The following DTD1 variants were observed in gnomAD, a reference collection of about 807,000 sequenced individuals.
DTD1 encodes the protein D-tyrosyl-tRNA deacylase 1 homolog.
Under a neutral mutation model 25.6 loss-of-function variants are expected in DTD1, and 13 were observed. That is an observed-to-expected ratio of 0.51 (90% CI 0.33 to 0.81). The LOEUF is 0.81. Ranked by LOEUF, DTD1 falls within the 30% of genes least tolerant of loss-of-function variation. DTD1 has a pLI of 0.02. For synonymous variants in DTD1, 110 were observed against 103.6 expected (o/e 1.06, Z -0.37); for missense variants, 193 against 266.4 (o/e 0.72, Z 1.92).
At chr20:18,664,561 AG>A (rs1254971254) in intron 4 of DTD1, among the ~76,000 whole-genome samples, 1 of 152,158 alleles carries the variant, frequency 6.6e-6, no homozygotes, top group East Asian at 1.9e-4. Flanking sequence ...ATCCATGAGC[AG>A]ATCTGTGTGG....
At chr20:18,736,085 C>T (rs4814783) in intron 4 of DTD1, among the ~76,000 whole-genome samples, 27,286 of 152,046 alleles carry the variant, frequency 0.18, 2,658 homozygotes, top group East Asian at 0.35. Flanking sequence ...CAGGGATTTC[C>T]GGGCACCTGT....
chr20:18,700,530 A>G (rs771963980), intron 4 of DTD1, among the ~76,000 whole-genome samples: 36 of 151,490 alleles, frequency 2.4e-4, no homozygotes, highest in Non-Finnish European at 4.6e-4. Context: ...TAAAATTTCA[A>G]TAGCTTTTGG....
intron 4 of DTD1, among the ~76,000 whole-genome samples, chr20:18,694,450 C>T (rs553219353): frequency 4.7e-4 from 72 of 152,284 alleles, no homozygotes; most frequent in Non-Finnish European, 9.3e-4. Context: ...GCGTTTAGAA[C>T]GTGTTCTCCA....
intron 4 of DTD1, among the ~76,000 whole-genome samples, chr20:18,705,561 G>A (rs937596940): frequency 6.6e-6 from 1 of 152,178 alleles, no homozygotes; most frequent in Non-Finnish European, 1.5e-5. Context: ...GTGGGTGAGT[G>A]CCTTTACTCC....
At chr20:18,755,988 T>C (rs1466476098) in intron 5 of DTD1, among the ~76,000 whole-genome samples, 2 of 152,134 alleles carry the variant, frequency 1.3e-5, no homozygotes, top group Admixed American at 1.3e-4. Context: ...TGGTATCTCA[T>C]TGTGGTTTTG....
At chr20:18,689,649 A>T (rs56196021) in intron 4 of DTD1, among the ~76,000 whole-genome samples, 176 of 152,216 alleles carry the variant, frequency 1.2e-3, no homozygotes, top group Middle Eastern at 3.4e-3. Flanking sequence ...TGGACAATAA[A>T]AACCATAATG....
intron 4 of DTD1, among the ~76,000 whole-genome samples, chr20:18,649,282 C>T (rs72660251): frequency 0.18 from 25,960 of 142,906 alleles, 2,506 homozygotes; most frequent in East Asian, 0.36. Context: ...AGACAAGACT[C>T]GAGCGAGAAA....
At chr20:18,652,979 T>C (rs1378124595) in intron 4 of DTD1, among the ~76,000 whole-genome samples, 1 of 152,206 alleles carries the variant, frequency 6.6e-6, no homozygotes, top group Non-Finnish European at 1.5e-5. Flanking sequence ...GTTGGCTGAC[T>C]TGCTTAAGAA....
intron 5 of DTD1, among the ~76,000 whole-genome samples, chr20:18,745,169 G>A (rs151068253): frequency 2.8e-4 from 42 of 152,252 alleles, no homozygotes; most frequent in Non-Finnish European, 3.4e-4. Context: ...CACCTGCCCC[G>A]TGTTCTGAAA....
intron 4 of DTD1, among the ~76,000 whole-genome samples, chr20:18,646,059 C>T (rs897722088): frequency 8.5e-5 from 13 of 152,206 alleles, no homozygotes; most frequent in African/African-American, 3.1e-4. Context: ...TGTTGTTAGG[C>T]GTCTACCTCA....
At chr20:18,631,412 T>C in intron 4 of DTD1, 1 of 985,828 alleles carries the variant, frequency 1.0e-6, no homozygotes, top group Non-Finnish European at 1.2e-6. Context: ...CCCTTCCACC[T>C]CCTCAGCAGC....
At chr20:18,617,489 A>G (rs2060713711) in intron 3 of DTD1, among the ~76,000 whole-genome samples, 1 of 151,934 alleles carries the variant, frequency 6.6e-6, no homozygotes, top group South Asian at 2.1e-4. Flanking sequence ...ACACAGTACC[A>G]TACTGTTTTG....
At chr20:18,694,992 G>C (rs2061064962) in intron 4 of DTD1, among the ~76,000 whole-genome samples, 1 of 152,106 alleles carries the variant, frequency 6.6e-6, no homozygotes, top group South Asian at 2.1e-4. Flanking sequence ...TATAGTATAT[G>C]TGCCAATAGA....
chr20:18,598,442 G>A (rs2060620514), intron 3 of DTD1, among the ~76,000 whole-genome samples: 1 of 152,030 alleles, frequency 6.6e-6, no homozygotes, highest in African/African-American at 2.4e-5. Flanking sequence ...AAACATACGT[G>A]TGCATGTGTC....
chr20:18,665,748 A>G (rs1003116725), intron 4 of DTD1, among the ~76,000 whole-genome samples: 4 of 152,194 alleles, frequency 2.6e-5, no homozygotes, highest in Admixed American at 2.0e-4. Flanking sequence ...CCTTGTCAAT[A>G]ATGCTTTACA....
chr20:18,740,548 A>G (rs774572564), intron 4 of DTD1, among the ~76,000 whole-genome samples: 2 of 152,204 alleles, frequency 1.3e-5, no homozygotes, highest in East Asian at 1.9e-4. Context: ...GCTTACCACA[A>G]TTTACTGCAG....
At chr20:18,614,747 A>G (rs183030717) in intron 3 of DTD1, among the ~76,000 whole-genome samples, 2 of 152,016 alleles carry the variant, frequency 1.3e-5, no homozygotes, top group African/African-American at 4.8e-5. Flanking sequence ...GCCCATTTAG[A>G]GGCACTTCCT....
chr20:18,663,230 G>A (rs1312873141), intron 4 of DTD1, among the ~76,000 whole-genome samples: 5 of 152,240 alleles, frequency 3.3e-5, no homozygotes, highest in East Asian at 1.9e-4. Context: ...CATAGAAAGT[G>A]TCCATATAGC....
rs565754420 is a variant in DTD1 at position 18,704,983 on chromosome 20, T to C, written c.478-39117T>C. ...AAGGTAGATTATCTGACCTTTGCTGTCCAGTAGCATGGCCACTAACCACAA... is the reference window on the plus strand; with the variant it reads ...AAGGTAGATTATCTGACCTTTGCTGCCCAGTAGCATGGCCACTAACCACAA... On this transcript the variant is annotated intron_variant, in intron 4 of 5. Transcript: ENST00000377452. 5.3e-5 allele frequency among the ~76,000 whole-genome samples: 8 copies of C among 152,320 alleles called. No individual in the cohort carries two copies. In the South Asian group the frequency reaches 8.3e-4, roughly 16 times the overall value.
Sources: gnomAD v4.1 joint callset for allele counts (sites outside exome capture counted in the v4.1 genomes callset) on GRCh38, gnomAD v4.1.1 for gene constraint, MANE v1.5 for transcripts, NCBI Gene and HGNC (gene_info 2026-07-23, HGNC 2026-07-21) for gene names.